The following SMC1B variants were observed in gnomAD, a reference collection of about 807,000 sequenced individuals.
SMC1B encodes the protein structural maintenance of chromosomes protein 1B.
A neutral mutation model predicts 157.9 loss-of-function variants in SMC1B; 60 were observed. That is an observed-to-expected ratio of 0.38 (90% CI 0.31 to 0.47). The LOEUF is 0.47. Among genes scored for constraint, SMC1B ranks in the 20% least tolerant of loss-of-function variants. The pLI is 0.99. For missense variants in SMC1B, 1,165 were observed against 1,426.2 expected, an observed-to-expected ratio of 0.82 and a Z score of 2.95; for synonymous variants, 445 against 483.0, an observed-to-expected ratio of 0.92 and a Z score of 1.03.
intron 23 of SMC1B, 21 bp from the exon 24 acceptor site, chr22:45,345,590 C>T: frequency 1.4e-6 from 2 of 1,444,910 alleles, no homozygotes; most frequent in East Asian, 2.3e-5. Context: ...TAAAAACACA[C>T]ATTTCACTAG....
At chr22:45,401,095 A>G (rs1017511559) in intron 5 of SMC1B, among the ~76,000 whole-genome samples, 1 of 152,244 alleles carries the variant, frequency 6.6e-6, no homozygotes, top group Non-Finnish European at 1.5e-5. Context: ...AAATATGTAT[A>G]AAGTATGGAC....
At chr22:45,381,133 C>T (rs980141778) in intron 12 of SMC1B, among the ~76,000 whole-genome samples, 13 of 151,912 alleles carry the variant, frequency 8.6e-5, no homozygotes, top group African/African-American at 1.7e-4. Context: ...TCTTTTTGTG[C>T]GCTGGGGATT....
In SMC1B at chr22:45,408,873, A is replaced by G; in HGVS notation, c.135T>C (p.Leu45=). Residue 45 remains leucine (L), a synonymous_variant, in exon 2 of 25, where the codon CTT becomes CTC. Transcript: ENST00000357450. ...CTATTTTCTCTCCCATTACAAAACT[A>G]AGTGCATCCATTACATTAGATTTTC... The part of the protein sequence containing the change: ...GSGKSNVMDA[L]SFVMGEKIAN... The G allele has an allele frequency of 6.5e-7, 1 of 1,538,658 alleles. No individual in the cohort carries two copies. The highest frequency in any genetic ancestry group is 1.3e-5 in the South Asian group (1 of 79,268).
intron 20 of SMC1B, among the ~76,000 whole-genome samples, 196 bp downstream of exon 20, chr22:45,354,763 C>G (rs1369910659): frequency 6.6e-6 from 1 of 151,884 alleles, no homozygotes; most frequent in African/African-American, 2.4e-5. Flanking sequence ...ACCAATAAAC[C>G]TGGTTTTAAA....
intron 23 of SMC1B, among the ~76,000 whole-genome samples, chr22:45,348,718 G>GTTT (rs59086824): frequency 4.5e-4 from 67 of 148,216 alleles, no homozygotes; most frequent in East Asian, 2.6e-3. Flanking sequence ...CAAAAGGACT[G>GTTT]TTTTTTTTGT....
rs1602046453 is a variant in SMC1B, at chr22:45,352,458, C to T, written c.3418G>A (p.Val1140Met). 1.9e-6 allele frequency: 3 copies of T among 1,613,352 alleles called. No homozygotes were observed. The highest frequency in any genetic ancestry group is 1.7e-5 in the Admixed American group (1 of 59,894). Residue 1140 changes from valine (V) to methionine (M), a missense_variant, in exon 22 of 25, where the codon GTG (valine) becomes ATG (methionine). Coordinates refer to ENST00000357450, the MANE Select transcript of SMC1B (RefSeq NM_148674.5). ...CVAALALLFA[V>M]HSFRPAPFFV... Reference sequence around the variant, plus strand: ...TAGCTTTTGTGACCTTACCTGTGCACAGCAAACAGGAGAGCCAAGGCTGCC... The same window carrying T: ...TAGCTTTTGTGACCTTACCTGTGCATAGCAAACAGGAGAGCCAAGGCTGCC...
chr22:45,346,434 G>A (rs865804889), intron 23 of SMC1B, among the ~76,000 whole-genome samples: 14 of 152,200 alleles, frequency 9.2e-5, no homozygotes, highest in Middle Eastern at 3.4e-3. Flanking sequence ...GAACTTGGAC[G>A]GTGATAAACC....
At chr22:45,383,703 A>T (rs2086961717) in intron 11 of SMC1B, 90 bp from the exon 12 acceptor site, 1 of 1,148,550 alleles carries the variant, frequency 8.7e-7, no homozygotes, top group Non-Finnish European at 1.2e-6. Context: ...CTAAGAATAA[A>T]ACATATGAGA....
chr22:45,372,169 C>G lies in SMC1B; in HGVS notation c.2182G>C (p.Val728Leu), dbSNP rs1441991568. 6.2e-7 allele frequency: 1 copy of G among 1,605,442 alleles called. No individual in the cohort carries two copies. Among genetic ancestry groups the G allele is most frequent in the Non-Finnish European group, 8.5e-7 (1 of 1,177,388 alleles). ...GTCTATATTACCTGGTAAAAAGCAA[C>G]AAGGTGCTTCTTCTTAATCATCTCT... ...ELEMIKKKHL[V>L]AFYQEQSQLQ... The change falls in exon 13 of 25, where the codon GTT becomes CTT. Residue 728 changes from valine to leucine, a missense_variant. By Grantham distance (32) the Val-to-Leu change is conservative. Coordinates refer to ENST00000357450, the MANE Select transcript of SMC1B (RefSeq NM_148674.5).
intron 4 of SMC1B, among the ~76,000 whole-genome samples, chr22:45,405,213 A>T (rs1569199969): frequency 6.6e-6 from 1 of 152,192 alleles, no homozygotes; most frequent in Non-Finnish European, 1.5e-5. Flanking sequence ...AGCAAAGCAT[A>T]GGAAGTTAAG....
At chr22:45,358,631 T>A (rs1400712713) in intron 19 of SMC1B, 66 bp downstream of exon 19, 2 of 989,144 alleles carry the variant, frequency 2.0e-6, no homozygotes, top group Non-Finnish European at 3.0e-6. Context: ...CATCCAAAAA[T>A]GATTCGGTAA....
At chr22:45,377,205 C>T (rs1468873545) in intron 12 of SMC1B, among the ~76,000 whole-genome samples, 1 of 152,012 alleles carries the variant, frequency 6.6e-6, no homozygotes, top group African/African-American at 2.4e-5. Flanking sequence ...GTTTTCATTC[C>T]TGATCATGTA....
chr22:45,394,826 AT>A, intron 7 of SMC1B, 59 bp from the exon 8 acceptor site: 3 of 1,427,644 alleles, frequency 2.1e-6, no homozygotes, highest in Non-Finnish European at 2.8e-6. Flanking sequence ...ACAAAATTAC[AT>A]GCCTAGAACT....
intron 23 of SMC1B, among the ~76,000 whole-genome samples, chr22:45,348,138 T>C (rs1293361763): frequency 1.3e-5 from 2 of 152,260 alleles, no homozygotes; most frequent in Non-Finnish European, 2.9e-5. Context: ...CACTGATCCT[T>C]GAGTACTGAC....
At position 45,413,534 on chromosome 22, in the gene SMC1B, A is replaced by T. The variant is rs2087381323; in HGVS notation, c.34T>A (p.Phe12Ile). 6.2e-7 allele frequency: 1 copy of T among 1,612,246 alleles called. No homozygotes were observed. Among genetic ancestry groups the T allele is most frequent in the Non-Finnish European group, 8.5e-7 (1 of 1,179,242 alleles). The part of the protein sequence containing the change: ...AHLELLLVEN[F>I]KSWRGRQVIG... ...ACCTGGCGGCCCCGCCACGACTTGA[A>T]ATTTTCCACAAGCAGCAGCTCCAGG... Residue 12 changes from phenylalanine to isoleucine, a missense_variant, in exon 1 of 25, where the codon TTC becomes ATC. Transcript: ENST00000357450.
chr22:45,372,229 T>C lies in SMC1B; in HGVS notation c.2122A>G (p.Thr708Ala). 1 of 1,612,414 alleles carries C rather than the reference T, an allele frequency of 6.2e-7. No individual in the cohort carries two copies. The highest frequency in any genetic ancestry group is 8.5e-7 in the Non-Finnish European group (1 of 1,179,142). ...LKQIQTLIQG[T>A]QTRLKYSQNE... is the part of the protein sequence containing the mutation. ...TGTGAATATTTGAGTCGTGTTTGAG[T>C]TCCCTGTATCAGGGTCTGTATTTGT... is the stretch of plus-strand genomic sequence containing the variant. The change falls in exon 13 of 25, where the codon ACT (threonine) becomes GCT (alanine). Residue 708 changes from threonine to alanine, a missense_variant. Physicochemically the swap from Thr to Ala is moderately conservative, Grantham distance 58. Transcript: ENST00000357450.
At chr22:45,378,122 T>C (rs369687118) in intron 12 of SMC1B, among the ~76,000 whole-genome samples, 2 of 152,318 alleles carry the variant, frequency 1.3e-5, no homozygotes, top group South Asian at 2.1e-4. Context: ...TCTTCTTTAG[T>C]AATGTAGACA....
At chr22:45,359,748 G>C in intron 18 of SMC1B, 57 bp downstream of exon 18, 1 of 1,545,056 alleles carries the variant, frequency 6.5e-7, no homozygotes, top group East Asian at 2.3e-5. Context: ...ATAAGCAAAG[G>C]GCAATGCATT....
chr22:45,407,641 G>C (rs1046623733), intron 2 of SMC1B, among the ~76,000 whole-genome samples: 2 of 152,014 alleles, frequency 1.3e-5, no homozygotes, highest in African/African-American at 4.8e-5. Flanking sequence ...TAGAGACAAG[G>C]TCTCACCACG....
Sources: allele counts gnomAD v4.1 joint callset (sites outside exome capture counted in the v4.1 genomes callset), GRCh38; gene constraint gnomAD v4.1.1; transcripts MANE v1.5; gene names NCBI Gene and HGNC (gene_info 2026-07-23, HGNC 2026-07-21).